Variants in ZCCHC7 observed in about 807,000 individuals in gnomAD.
ZCCHC7 encodes the protein zinc finger CCHC domain-containing protein 7.
A neutral mutation model predicts 52.0 loss-of-function variants in ZCCHC7; 35 were observed. The observed-to-expected ratio is 0.67, with a 90% CI of 0.51 to 0.89. ZCCHC7 has a LOEUF of 0.89. Ranked by LOEUF, ZCCHC7 falls within the 40% of genes least tolerant of loss-of-function variation. ZCCHC7 has a pLI of 0.00. For missense variants in ZCCHC7, 574 were observed against 649.1 expected (o/e 0.88, Z 1.26); for synonymous variants, 217 against 221.5 (o/e 0.98, Z 0.18).
intron 2 of ZCCHC7, among the ~76,000 whole-genome samples, chr9:37,152,473 C>G (rs1200529396): frequency 1.3e-5 from 2 of 152,090 alleles, no homozygotes; most frequent in Non-Finnish European, 2.9e-5. Context: ...GGATCCTGTT[C>G]AGGACACCAC....
chr9:37,152,530 A>G (rs571971044), intron 2 of ZCCHC7, among the ~76,000 whole-genome samples: 1 of 152,244 alleles, frequency 6.6e-6, no homozygotes, highest in Admixed American at 6.5e-5. Flanking sequence ...TGGCTGTGGC[A>G]GTTTCTCAGA....
At chr9:37,238,861 G>A (rs1433778730) in intron 2 of ZCCHC7, among the ~76,000 whole-genome samples, 6 of 152,104 alleles carry the variant, frequency 3.9e-5, no homozygotes, top group Admixed American at 3.9e-4. Flanking sequence ...GAAAACAAAA[G>A]CTGGAAAAGC....
intron 6 of ZCCHC7, among the ~76,000 whole-genome samples, chr9:37,332,906 GTGAA>G (rs1208935558): frequency 6.6e-6 from 1 of 151,472 alleles, no homozygotes; most frequent in Non-Finnish European, 1.5e-5. Context: ...ATATTTATTT[GTGAA>G]TGGAGTTAGA....
chr9:37,238,555 T>TTA (rs1456905563), intron 2 of ZCCHC7, among the ~76,000 whole-genome samples: 3 of 152,082 alleles, frequency 2.0e-5, no homozygotes, highest in African/African-American at 7.2e-5. Context: ...CGAGAAACTG[T>TTA]TTAATAATAA....
chr9:37,351,252 A>G lies in ZCCHC7; in HGVS notation c.1083+1800A>G, dbSNP rs182143381. The stretch of plus-strand genomic sequence containing the variant: ...CTCAACCATGTGATGTAAACAACCC[A>G]TTTTTTCTCTTTGGTCCCATTTCTT... On this transcript the variant is annotated intron_variant, in intron 7 of 8. Transcript: ENST00000336755. Among the ~76,000 whole-genome samples, 6 of 152,108 alleles carry G rather than the reference A, an allele frequency of 3.9e-5. No homozygotes were observed. In the East Asian group the frequency reaches 9.7e-4, roughly 25 times the overall value.
chr9:37,120,753 A>C (rs1842272088), intron 1 of ZCCHC7, 130 bp downstream of exon 1: 2 of 342,776 alleles, frequency 5.8e-6, no homozygotes, highest in Non-Finnish European at 1.1e-5. Flanking sequence ...TCCGCCCCTC[A>C]CTCGTGGCAG....
At chr9:37,320,564 A>T (rs1400923544) in intron 5 of ZCCHC7, among the ~76,000 whole-genome samples, 1 of 152,168 alleles carries the variant, frequency 6.6e-6, no homozygotes, top group Non-Finnish European at 1.5e-5. Flanking sequence ...CCAATCCATG[A>T]ATATGGTATG....
intron 2 of ZCCHC7, among the ~76,000 whole-genome samples, chr9:37,294,385 A>T: frequency 6.6e-6 from 1 of 152,288 alleles, no homozygotes; most frequent in Middle Eastern, 3.4e-3. Context: ...TGACATAAAT[A>T]TCTGGCAGCT....
chr9:37,122,594 T>G (rs1397843964), intron 1 of ZCCHC7, among the ~76,000 whole-genome samples: 1 of 152,222 alleles, frequency 6.6e-6, no homozygotes, highest in Non-Finnish European at 1.5e-5. Flanking sequence ...AATATTGCAA[T>G]GAAGGAAGGT....
intron 2 of ZCCHC7, among the ~76,000 whole-genome samples, chr9:37,185,810 C>T (rs1426356030): frequency 6.6e-6 from 1 of 152,154 alleles, no homozygotes; most frequent in African/African-American, 2.4e-5. Context: ...TAGAGGGACC[C>T]TGTTTCCAAA....
chr9:37,184,223 A>G (rs1005381897), intron 2 of ZCCHC7, among the ~76,000 whole-genome samples: 1 of 152,094 alleles, frequency 6.6e-6, no homozygotes. Context: ...TTATGGAGCA[A>G]CGTAATATGT....
chr9:37,123,208 T>C (rs1478505360), intron 1 of ZCCHC7, among the ~76,000 whole-genome samples: 1 of 127,006 alleles, frequency 7.9e-6, no homozygotes, highest in Non-Finnish European at 1.9e-5. Context: ...TGTGTGTGTG[T>C]GTGTGTGTGT....
At chr9:37,228,409 G>A (rs894242553) in intron 2 of ZCCHC7, among the ~76,000 whole-genome samples, 1 of 151,600 alleles carries the variant, frequency 6.6e-6, no homozygotes, top group Non-Finnish European at 1.5e-5. Context: ...TTGAGACAGG[G>A]TCTCACTCTG....
At chr9:37,182,707 T>A (rs1822433720) in intron 2 of ZCCHC7, among the ~76,000 whole-genome samples, 1 of 152,232 alleles carries the variant, frequency 6.6e-6, no homozygotes, top group Admixed American at 6.5e-5. Flanking sequence ...GACAGCCTTG[T>A]GGAAAATCAG....
intron 5 of ZCCHC7, among the ~76,000 whole-genome samples, chr9:37,312,724 ACCAG>A (rs1218414361): frequency 6.6e-6 from 1 of 152,218 alleles, no homozygotes; most frequent in Non-Finnish European, 1.5e-5. Flanking sequence ...GGAGTTAGAG[ACCAG>A]CCTATGCAAT....
At chr9:37,214,219 A>G (rs1385865878) in intron 2 of ZCCHC7, among the ~76,000 whole-genome samples, 1 of 152,138 alleles carries the variant, frequency 6.6e-6, no homozygotes, top group Admixed American at 6.5e-5. Flanking sequence ...ACATTTGAGT[A>G]TACTATGTAA....
rs750116089 is a variant in ZCCHC7, at chr9:37,304,216, G to C, written c.683G>C (p.Gly228Ala). The C allele has an allele frequency of 1.7e-5, 27 of 1,613,066 alleles. No individual in the cohort carries two copies. The highest frequency in any genetic ancestry group is 2.3e-5 in the Non-Finnish European group (27 of 1,179,600). Reference sequence around the variant, plus strand: ...CAGATAGCTAATAACCGAACACCTGGAAGATGGACCCAGCGGTACTATTCA... The same window carrying C: ...CAGATAGCTAATAACCGAACACCTGCAAGATGGACCCAGCGGTACTATTCA... ...EAQIANNRTP[G>A]RWTQRYYSAN... Residue 228 changes from glycine to alanine, a missense_variant, in exon 4 of 9, where the codon GGA becomes GCA. Gly to Ala is a moderately conservative substitution (Grantham distance 60). This residue lies in a region of ZCCHC7 where 403 missense variants were observed against 461.2 expected (regional missense o/e 0.87). Coordinates refer to ENST00000336755, the MANE Select transcript of ZCCHC7 (RefSeq NM_032226.3).
chr9:37,163,385 C>CAAAAAAAAAA, intron 2 of ZCCHC7, among the ~76,000 whole-genome samples: 1 of 77,170 alleles, frequency 1.3e-5, no homozygotes, highest in Non-Finnish European at 2.6e-5. Context: ...GACTCCATCT[C>CAAAAAAAAAA]AAAAAAAAAA....
intron 6 of ZCCHC7, chr9:37,333,803 C>T (rs1455236405): frequency 6.6e-6 from 1 of 151,558 alleles, no homozygotes; most frequent in Non-Finnish European, 1.5e-5. Flanking sequence ...TTTTTTAAAA[C>T]CCACAGTATT....
Sources: gnomAD v4.1 joint callset for allele counts (sites outside exome capture counted in the v4.1 genomes callset) on GRCh38, gnomAD v4.1.1 for gene constraint, gnomAD v4.1.1 regional missense constraint, MANE v1.5 for transcripts, NCBI Gene and HGNC (gene_info 2026-07-23, HGNC 2026-07-21) for gene names.